KDM5A: variants seen among roughly 807,000 people sequenced by gnomAD.
KDM5A encodes lysine demethylase 5A, also known as lysine-specific demethylase 5A.
In KDM5A, 42 loss-of-function variants were observed where a neutral mutation model predicts 193.5. The observed-to-expected ratio is 0.22, with a 90% confidence interval of 0.17 to 0.28. The LOEUF is 0.28. Ranked by LOEUF, KDM5A falls within the 10% of genes least tolerant of loss-of-function variation. The pLI, the probability that KDM5A is intolerant of heterozygous loss-of-function variation, is 1.00. For missense variants in KDM5A, 1,692 were observed against 2,055.1 expected (o/e 0.82, Z 3.42); for synonymous variants, 796 against 718.1 (o/e 1.11, Z -1.73).
chr12:331,531 G>T (rs1440348320), intron 13 of KDM5A, among the ~76,000 whole-genome samples: 1 of 152,156 alleles, frequency 6.6e-6, no homozygotes, highest in Non-Finnish European at 1.5e-5. Context: ...AGGAAGAAAA[G>T]AAGGAAATGG....
chr12:371,300 T>C (rs963273364), intron 3 of KDM5A, among the ~76,000 whole-genome samples: 19 of 152,238 alleles, frequency 1.2e-4, no homozygotes, highest in African/African-American at 4.6e-4. Flanking sequence ...TTTTTAATGA[T>C]CACCACTCTA....
chr12:357,691 G>A (rs543172301), intron 5 of KDM5A, among the ~76,000 whole-genome samples: 9 of 151,712 alleles, frequency 5.9e-5, no homozygotes, highest in African/African-American at 1.9e-4. Flanking sequence ...AGCCAGGCAT[G>A]GTGGCGCACG....
chr12:355,681 G>A (rs1565544488), intron 6 of KDM5A, among the ~76,000 whole-genome samples: 2 of 152,140 alleles, frequency 1.3e-5, no homozygotes, highest in African/African-American at 4.8e-5. Flanking sequence ...AATGTATTTA[G>A]TAAGTCTTAT....
At position 280,118 on chromosome 12, in the gene KDM5A, G is replaced by A; in HGVS notation, c.*5338C>T. Reference sequence around the variant, plus strand: ...GAAATACACTTTACAGAACATACAAGTGAGAAGGGGTGAAGAGAGTGAAAT... The same window carrying A: ...GAAATACACTTTACAGAACATACAAATGAGAAGGGGTGAAGAGAGTGAAAT... On this transcript the variant is annotated 3_prime_UTR_variant, in exon 28 of 28. Coordinates refer to ENST00000399788, the MANE Select transcript of KDM5A (RefSeq NM_001042603.3). The A allele has an allele frequency of 4.4e-6, 1 of 229,126 alleles. No individual in the cohort carries two copies. The highest frequency in any genetic ancestry group is 8.7e-6 in the Non-Finnish European group (1 of 115,478). 14.2% of individuals were successfully genotyped at this position (229,126 alleles called of 1,614,324 possible).
intron 16 of KDM5A, among the ~76,000 whole-genome samples, chr12:322,805 C>G (rs867146329): frequency 6.6e-6 from 1 of 152,132 alleles, no homozygotes; most frequent in African/African-American, 2.4e-5. Flanking sequence ...TCCAAAGAAG[C>G]CTTCAGTGTC....
intron 3 of KDM5A, among the ~76,000 whole-genome samples, chr12:375,853 C>T (rs1021208322): frequency 6.6e-6 from 1 of 152,172 alleles, no homozygotes; most frequent in South Asian, 2.1e-4. Context: ...CACTCCAGAC[C>T]CTGTTTGCCT....
intron 10 of KDM5A, among the ~76,000 whole-genome samples, chr12:338,672 T>TG: frequency 6.6e-6 from 1 of 152,108 alleles, no homozygotes; most frequent in Non-Finnish European, 1.5e-5. Context: ...CACAGTATCA[T>TG]CTCAACATGT....
At chr12:371,251 A>G (rs549983470) in intron 3 of KDM5A, among the ~76,000 whole-genome samples, 1 of 152,114 alleles carries the variant, frequency 6.6e-6, no homozygotes, top group African/African-American at 2.4e-5. Flanking sequence ...AATTGTTCCT[A>G]TTTCTCCACA....
chr12:289,550 A>G (rs1943261888), intron 27 of KDM5A, among the ~76,000 whole-genome samples: 1 of 151,936 alleles, frequency 6.6e-6, no homozygotes, highest in African/African-American at 2.4e-5. Context: ...TTTTTAAAAG[A>G]GCATTTCTCA....
chr12:319,892 A>G (rs1017226543), intron 18 of KDM5A, among the ~76,000 whole-genome samples: 33 of 152,220 alleles, frequency 2.2e-4, no homozygotes, highest in African/African-American at 7.7e-4. Context: ...GATTGAATCA[A>G]CAGGATATAG....
chr12:293,727 C>T (rs796699458), intron 26 of KDM5A, among the ~76,000 whole-genome samples: 5 of 142,214 alleles, frequency 3.5e-5, no homozygotes, highest in African/African-American at 8.0e-5. Context: ...TGCAGTGAGC[C>T]GCAATCAATC....
intron 14 of KDM5A, among the ~76,000 whole-genome samples, chr12:328,531 GA>G (rs572637203): frequency 1.9e-4 from 28 of 147,050 alleles, no homozygotes; most frequent in South Asian, 1.1e-3. Flanking sequence ...AGAAAGCTCA[GA>G]AAAAAAAAAT....
chr12:370,064 G>T (rs142346935), intron 3 of KDM5A, among the ~76,000 whole-genome samples: 29 of 152,180 alleles, frequency 1.9e-4, no homozygotes, highest in Middle Eastern at 6.8e-3. Context: ...TTTTTCTTTG[G>T]CTGGCAGATT....
At chr12:366,413 A>T (rs4140962) in intron 3 of KDM5A, among the ~76,000 whole-genome samples, 72,952 of 152,002 alleles carry the variant, frequency 0.48, 18,449 homozygotes, top group Non-Finnish European at 0.57. Context: ...TACCTACTTA[A>T]GGAACTCACA....
chr12:333,701 T>C (rs781337946), intron 11 of KDM5A, 52 bp from the exon 12 acceptor site: 2 of 1,518,134 alleles, frequency 1.3e-6, no homozygotes, highest in South Asian at 2.2e-5. Flanking sequence ...CCAATGAGGC[T>C]AGGGTATCTG....
At chr12:309,729 A>T (rs761160595) in intron 22 of KDM5A, 74 bp downstream of exon 22, 7 of 1,483,506 alleles carry the variant, frequency 4.7e-6, no homozygotes, top group Non-Finnish European at 5.6e-6. Flanking sequence ...AAACATAAAA[A>T]CTGTGAGTCT....
intron 5 of KDM5A, among the ~76,000 whole-genome samples, chr12:358,200 T>C (rs1944250239): frequency 1.3e-5 from 2 of 152,184 alleles, no homozygotes; most frequent in South Asian, 4.1e-4. Flanking sequence ...TCTCTGAATA[T>C]AGACTAATAG....
At chr12:294,126 T>C (rs1943339174) in intron 26 of KDM5A, among the ~76,000 whole-genome samples, 1 of 152,194 alleles carries the variant, frequency 6.6e-6, no homozygotes, top group Non-Finnish European at 1.5e-5. Context: ...CATGATCTCA[T>C]TACACAGAAT....
At chr12:360,804 A>G (rs1591931584) in intron 5 of KDM5A, among the ~76,000 whole-genome samples, 2 of 152,206 alleles carry the variant, frequency 1.3e-5, no homozygotes, top group African/African-American at 4.8e-5. Context: ...ACTTAAATAC[A>G]TATTGGGAGG....
Sources: allele counts gnomAD v4.1 joint callset (sites outside exome capture counted in the v4.1 genomes callset), GRCh38; gene constraint gnomAD v4.1.1; transcripts MANE v1.5; gene names NCBI Gene and HGNC (gene_info 2026-07-23, HGNC 2026-07-21).